CD109: variants seen among roughly 807,000 people sequenced by gnomAD.
CD109 encodes the protein CD109 molecule.
Under a neutral mutation model 165.8 loss-of-function variants are expected in CD109, and 149 were observed. That is an observed-to-expected ratio of 0.90 (90% CI 0.79 to 1.03). CD109 has a LOEUF of 1.03. Among genes scored for constraint, CD109 ranks in the 50% least tolerant of loss-of-function variants. The probability of loss-of-function intolerance (pLI) is 0.00; values close to 1 mark genes in which losing one functional copy is unlikely to be tolerated. For synonymous variants in CD109, 585 were observed against 592.1 expected (o/e 0.99, Z 0.18); for missense variants, 1,712 against 1,677.8 (o/e 1.02, Z -0.36).
chr6:73,810,589 A>G (rs1056400485), intron 27 of CD109, among the ~76,000 whole-genome samples: 1 of 152,034 alleles, frequency 6.6e-6, no homozygotes, highest in African/African-American at 2.4e-5. Context: ...TACTGATAAT[A>G]TGATCATTTA....
intron 4 of CD109, among the ~76,000 whole-genome samples, chr6:73,733,726 G>A (rs374282449): frequency 6.6e-4 from 100 of 152,318 alleles, no homozygotes; most frequent in African/African-American, 2.2e-3. Context: ...CAGTTTTGGA[G>A]CAGTGGTGGC....
chr6:73,748,001 C>T (rs1773041625), intron 5 of CD109, among the ~76,000 whole-genome samples: 1 of 151,960 alleles, frequency 6.6e-6, no homozygotes, highest in Non-Finnish European at 1.5e-5. Flanking sequence ...TCCCGAGTAG[C>T]TGGGAGTACA....
At chr6:73,710,986 A>C (rs1228273234) in intron 2 of CD109, among the ~76,000 whole-genome samples, 2 of 152,192 alleles carry the variant, frequency 1.3e-5, no homozygotes, top group African/African-American at 2.4e-5. Flanking sequence ...ATCATGAAAT[A>C]TTCTTCTTCT....
At chr6:73,729,220 A>T (rs758855766) in intron 3 of CD109, among the ~76,000 whole-genome samples, 1 of 152,208 alleles carries the variant, frequency 6.6e-6, no homozygotes, top group East Asian at 1.9e-4. Flanking sequence ...TTTTTCTGAC[A>T]TAGCCTAATT....
intron 15 of CD109, among the ~76,000 whole-genome samples, chr6:73,778,801 GTT>G (rs1274058949): frequency 7.3e-5 from 11 of 150,786 alleles, no homozygotes; most frequent in Non-Finnish European, 1.6e-4. Context: ...TTTCAACTTA[GTT>G]TTTTTTGTGA....
intron 7 of CD109, among the ~76,000 whole-genome samples, chr6:73,759,659 A>G (rs936620988): frequency 6.6e-6 from 1 of 152,212 alleles, no homozygotes. Flanking sequence ...TTTATGTCTG[A>G]GAGTACTTTA....
intron 30 of CD109, 62 bp downstream of exon 30, chr6:73,815,185 T>G: frequency 4.4e-6 from 6 of 1,363,590 alleles, no homozygotes; most frequent in Non-Finnish European, 5.9e-6. Context: ...GAAGGTTTAA[T>G]TATGTATAGT....
chr6:73,718,341 A>C (rs1233849682), intron 2 of CD109, among the ~76,000 whole-genome samples: 1 of 152,034 alleles, frequency 6.6e-6, no homozygotes. Context: ...CTTAGAGGAA[A>C]GGCTTTCAGT....
chr6:73,793,455 G>A (rs1054729904), intron 23 of CD109, among the ~76,000 whole-genome samples: 3 of 152,202 alleles, frequency 2.0e-5, no homozygotes, highest in African/African-American at 7.2e-5. Flanking sequence ...GGCAGGCAGT[G>A]TTCTAAACAC....
At chr6:73,744,493 C>T (rs1772907387) in intron 5 of CD109, among the ~76,000 whole-genome samples, 1 of 152,088 alleles carries the variant, frequency 6.6e-6, no homozygotes, top group South Asian at 2.1e-4. Context: ...GAAAACAGGA[C>T]TTTTGGATTA....
intron 30 of CD109, among the ~76,000 whole-genome samples, chr6:73,817,759 C>T (rs1031471100): frequency 5.9e-5 from 9 of 152,234 alleles, no homozygotes; most frequent in East Asian, 1.9e-4. Flanking sequence ...GCTCACATCA[C>T]GTACAACAGG....
At chr6:73,795,974 T>G (rs918228749) in intron 23 of CD109, among the ~76,000 whole-genome samples, 1 of 152,208 alleles carries the variant, frequency 6.6e-6, no homozygotes, top group African/African-American at 2.4e-5. Flanking sequence ...TCAGCTATAG[T>G]AGAATTAGTT....
intron 4 of CD109, among the ~76,000 whole-genome samples, chr6:73,734,170 A>G (rs1364539958): frequency 2.6e-5 from 4 of 152,156 alleles, no homozygotes; most frequent in Admixed American, 2.6e-4. Context: ...CCTCTGCCTT[A>G]TTGGTAACAG....
Position 73,827,352 on chromosome 6 carries a change from C to T in CD109, c.*3719C>T, listed in dbSNP as rs1434110179. 2 of 150,852 alleles carry T rather than the reference C, an allele frequency of 1.3e-5. No homozygotes were observed. The highest frequency in any genetic ancestry group is 1.5e-5 in the Non-Finnish European group (1 of 67,864). 9.3% of individuals were successfully genotyped at this position (150,852 alleles called of 1,614,324 possible). A position where few individuals can be genotyped will look rare whatever the true frequency, so the allele number is the denominator to read the frequency against. On this transcript the variant is annotated 3_prime_UTR_variant, in exon 33 of 33. Transcript: ENST00000287097. ...TGAGTTTCAGAACCTTTTACGTTCT[C>T]GGTAGAGGCTTCTGTCGGACAGGCA...
At chr6:73,808,477 T>C (rs16884143) in intron 26 of CD109, among the ~76,000 whole-genome samples, 2,379 of 152,256 alleles carry the variant, frequency 0.016, 69 homozygotes, top group African/African-American at 0.052. Context: ...AGATATGTGA[T>C]GCCCTATGTC....
chr6:73,697,341 A>G, intron 1 of CD109, 59 bp from the exon 2 acceptor site: 1 of 1,529,714 alleles, frequency 6.5e-7, no homozygotes, highest in Non-Finnish European at 9.0e-7. Flanking sequence ...TGAGGGTCAC[A>G]AAAGAAAGGA....
chr6:73,766,919 T>C, intron 12 of CD109, 29 bp from the exon 13 acceptor site: 2 of 1,611,364 alleles, frequency 1.2e-6, no homozygotes, highest in Admixed American at 1.7e-5. Flanking sequence ...GCTTTTGATA[T>C]GTACATATTA....
chr6:73,771,093 A>G (rs1490850521), intron 14 of CD109, among the ~76,000 whole-genome samples: 1 of 152,154 alleles, frequency 6.6e-6, no homozygotes, highest in Non-Finnish European at 1.5e-5. Context: ...TCTCCTTTGT[A>G]TACTGGCCTT....
intron 26 of CD109, among the ~76,000 whole-genome samples, chr6:73,809,244 G>C (rs977619599): frequency 1.3e-5 from 2 of 151,786 alleles, no homozygotes; most frequent in Non-Finnish European, 2.9e-5. Context: ...TTTTTTCCTG[G>C]GGGCTTGAAC....
Sources: allele counts gnomAD v4.1 joint callset (sites outside exome capture counted in the v4.1 genomes callset), GRCh38; gene constraint gnomAD v4.1.1; transcripts MANE v1.5; gene names NCBI Gene and HGNC (gene_info 2026-07-23, HGNC 2026-07-21).